APBB2: variants seen among roughly 807,000 people sequenced by gnomAD.
APBB2 encodes Fe65-like 1.
In APBB2, 38 loss-of-function variants were observed where a neutral mutation model predicts 82.5. The ratio of observed to expected loss-of-function variants is 0.46; its 90% CI spans 0.36 to 0.60. The LOEUF (loss-of-function observed/expected upper bound fraction) is 0.60, where lower values mean the gene tolerates loss of function less well. Ranked by LOEUF, APBB2 falls within the 20% of genes least tolerant of loss-of-function variation. APBB2 has a pLI of 0.00. For synonymous variants in APBB2, 341 were observed against 368.2 expected (o/e 0.93, Z 0.85); for missense variants, 772 against 972.3 (o/e 0.79, Z 2.74).
intron 1 of APBB2, among the ~76,000 whole-genome samples, chr4:41,144,168 T>C (rs140465034): frequency 3.3e-5 from 5 of 152,384 alleles, no homozygotes; most frequent in Admixed American, 2.0e-4. Context: ...AGGACAAATG[T>C]TATTTTCAGA....
chr4:41,071,358 T>C lies in APBB2; in HGVS notation c.-148-5685A>G, dbSNP rs538318419. ...AATTCTCTGCATCATTCTGCAGTTATAGTACAATATAATTTCTGCTTTTTA... is the reference window on the plus strand; with the variant it reads ...AATTCTCTGCATCATTCTGCAGTTACAGTACAATATAATTTCTGCTTTTTA... On this transcript the variant is annotated intron_variant, in intron 3 of 17. Coordinates refer to ENST00000508593, the MANE Select transcript of APBB2 (RefSeq NM_004307.2). Among the ~76,000 whole-genome samples, 3 of 152,320 alleles carry C rather than the reference T, an allele frequency of 2.0e-5. No individual in the cohort carries two copies. The East Asian group carries it at 5.8e-4, about 29-fold the overall frequency.
chr4:40,870,249 C>T (rs553089245), intron 12 of APBB2, among the ~76,000 whole-genome samples: 21 of 152,330 alleles, frequency 1.4e-4, no homozygotes, highest in East Asian at 1.4e-3. Flanking sequence ...CCCACTGTGC[C>T]CACCACTGCC....
At chr4:41,132,030 ACT>A (rs1403080820) in intron 2 of APBB2, among the ~76,000 whole-genome samples, 2 of 135,842 alleles carry the variant, frequency 1.5e-5, no homozygotes, top group Admixed American at 8.1e-5. Flanking sequence ...ACAGAGCAAG[ACT>A]CTGTCTCAAA....
intron 1 of APBB2, among the ~76,000 whole-genome samples, chr4:41,147,822 C>A (rs1203774490): frequency 6.6e-6 from 1 of 152,068 alleles, no homozygotes; most frequent in Non-Finnish European, 1.5e-5. Context: ...CAAGCCAATT[C>A]AACACAGCTG....
chr4:40,923,809 C>T (rs1033977086), intron 10 of APBB2, among the ~76,000 whole-genome samples: 2 of 152,340 alleles, frequency 1.3e-5, no homozygotes, highest in East Asian at 1.9e-4. Flanking sequence ...GACTCACACA[C>T]GGCTGCCAAT....
chr4:40,827,355 C>CAGAGA, intron 13 of APBB2, 136 bp from the exon 14 acceptor site: 7 of 654,754 alleles, frequency 1.1e-5, no homozygotes, highest in South Asian at 1.9e-5. Flanking sequence ...AGTCCCACCC[C>CAGAGA]TGCATCTCTG....
At chr4:41,000,947 T>C (rs1805051555) in intron 6 of APBB2, among the ~76,000 whole-genome samples, 1 of 152,060 alleles carries the variant, frequency 6.6e-6, no homozygotes, top group Admixed American at 6.5e-5. Context: ...CTGAGGCTTG[T>C]TCTGGAGAAA....
At chr4:40,950,476 T>G (rs1789792560) in intron 6 of APBB2, among the ~76,000 whole-genome samples, 1 of 151,812 alleles carries the variant, frequency 6.6e-6, no homozygotes, top group African/African-American at 2.4e-5. Context: ...CATTGGGAGG[T>G]CAAGGCGGGA....
In APBB2 at chr4:40,826,030, G is replaced by A; in HGVS notation, c.1733-60C>T. 1 of 1,321,218 alleles carries A rather than the reference G, an allele frequency of 7.6e-7. No individual in the cohort carries two copies. Among genetic ancestry groups the A allele is most frequent in the South Asian group, 1.2e-5 (1 of 85,080 alleles). The allele number at this position is 1,321,218 out of a possible 1,614,324, so 81.8% of individuals were successfully genotyped here. A position where few individuals can be genotyped will look rare whatever the true frequency, so the allele number is the denominator to read the frequency against. On this transcript the variant is annotated intron_variant, in intron 14 of 17. Coordinates refer to ENST00000508593, the MANE Select transcript of APBB2 (RefSeq NM_004307.2). The surrounding 1 kb of genome is among the most constrained non-coding windows in gnomAD (Gnocchi z 4.5). Reference sequence around the variant, plus strand: ...GGTTCCAACACACATGTACACAACAGCCGTGGCTCTGCATCATCTGAATGC... The same window carrying A: ...GGTTCCAACACACATGTACACAACAACCGTGGCTCTGCATCATCTGAATGC...
intron 1 of APBB2, among the ~76,000 whole-genome samples, chr4:41,180,691 A>G (rs973199411): frequency 2.6e-5 from 4 of 152,102 alleles, no homozygotes; most frequent in Non-Finnish European, 5.9e-5. Flanking sequence ...ATGTGGGCAC[A>G]TGTTTTCTTG....
intron 4 of APBB2, among the ~76,000 whole-genome samples, chr4:41,049,316 C>T (rs1482298319): frequency 8.7e-6 from 1 of 114,884 alleles, no homozygotes; most frequent in Non-Finnish European, 1.8e-5. Context: ...CCGGCAGCCG[C>T]CCCGTCGGAG....
intron 12 of APBB2, among the ~76,000 whole-genome samples, chr4:40,887,935 A>G (rs1221735175): frequency 1.3e-5 from 2 of 152,236 alleles, no homozygotes; most frequent in African/African-American, 4.8e-5. Context: ...TGATTTCATC[A>G]GGGAGTAGGA....
chr4:41,110,212 CAT>C (rs1204064805), intron 2 of APBB2, among the ~76,000 whole-genome samples: 1 of 152,254 alleles, frequency 6.6e-6, no homozygotes. Context: ...GGCTGCCACA[CAT>C]GTGCCTGGCA....
intron 6 of APBB2, among the ~76,000 whole-genome samples, chr4:41,007,470 C>T (rs1468393081): frequency 6.6e-6 from 1 of 152,088 alleles, no homozygotes; most frequent in Non-Finnish European, 1.5e-5. Context: ...CAAGGCAAAG[C>T]GTGAGGTCAA....
At chr4:40,853,845 T>C (rs1760280626) in intron 12 of APBB2, among the ~76,000 whole-genome samples, 1 of 152,208 alleles carries the variant, frequency 6.6e-6, no homozygotes, top group African/African-American at 2.4e-5. Flanking sequence ...TAGGACAGGC[T>C]GCCTCCTGAT....
intron 10 of APBB2, among the ~76,000 whole-genome samples, chr4:40,910,029 C>T (rs756843331): frequency 1.3e-4 from 20 of 152,054 alleles, no homozygotes; most frequent in Non-Finnish European, 2.2e-4. Context: ...TGAGGTTCAC[C>T]GCAACCTCTG....
chr4:40,868,141 GCCAC>G (rs955797579), intron 12 of APBB2, among the ~76,000 whole-genome samples: 3 of 151,922 alleles, frequency 2.0e-5, no homozygotes, highest in African/African-American at 7.3e-5. Flanking sequence ...TACAGGGTGA[GCCAC>G]CACACCCAGC....
At chr4:41,206,652 T>C (rs995873274) in intron 1 of APBB2, among the ~76,000 whole-genome samples, 1 of 152,192 alleles carries the variant, frequency 6.6e-6, no homozygotes, top group Non-Finnish European at 1.5e-5. Context: ...TGTTCAAAAT[T>C]TGCAATGTGG....
chr4:40,841,743 AT>A, intron 12 of APBB2, among the ~76,000 whole-genome samples: 1 of 152,280 alleles, frequency 6.6e-6, no homozygotes, highest in South Asian at 2.1e-4. Flanking sequence ...CAGTGGTGCC[AT>A]CTTGGCTCAC....
Sources: gnomAD v4.1 joint callset for allele counts (sites outside exome capture counted in the v4.1 genomes callset) on GRCh38, gnomAD v4.1.1 for gene constraint, Gnocchi (gnomAD v3.1) non-coding constraint, MANE v1.5 for transcripts, NCBI Gene and HGNC (gene_info 2026-07-23, HGNC 2026-07-21) for gene names.